The following TMEM114 variants were observed in gnomAD, a reference collection of about 807,000 sequenced individuals.
TMEM114 encodes transmembrane protein 114.
A neutral mutation model predicts 6.2 loss-of-function variants in TMEM114; 6 were observed. The ratio of observed to expected loss-of-function variants is 0.97; its 90% CI spans 0.53 to 1.91. The LOEUF is 1.91. Among genes scored for constraint, TMEM114 ranks in the 40% most tolerant of loss-of-function variants. TMEM114 has a pLI of 0.01. For synonymous variants in TMEM114, 104 were observed against 73.0 expected (o/e 1.42, Z -2.16); for missense variants, 218 against 158.3 (o/e 1.38, Z -2.02).
At position 8,590,010 on chromosome 16, in the gene TMEM114, G is replaced by C. The variant is rs1171720206; in HGVS notation, c.-172C>G. The C allele has an allele frequency of 2.6e-6, 1 of 382,286 alleles. No individual in the cohort carries two copies. The highest frequency in any genetic ancestry group is 4.6e-6 in the Non-Finnish European group (1 of 216,286). 23.7% of individuals were successfully genotyped at this position (382,286 alleles called of 1,614,324 possible). On this transcript the variant is annotated 5_prime_UTR_variant, in exon 1 of 4. Coordinates refer to ENST00000620492, the MANE Select transcript of TMEM114 (RefSeq NM_001146336.2). ...GACCCCGGGCCCTAGCTTAGACCCT[G>C]GCTCCTCACCTGCCGGCTCCGACCT...
chr16:8,548,967 G>C (rs1448730318), intron 2 of TMEM114, among the ~76,000 whole-genome samples: 1 of 151,974 alleles, frequency 6.6e-6, no homozygotes. Context: ...TGGATCACAA[G>C]GTCAGGAGAT....
At chr16:8,574,640 A>T (rs1310072063) in intron 2 of TMEM114, among the ~76,000 whole-genome samples, 2 of 146,490 alleles carry the variant, frequency 1.4e-5, no homozygotes. Context: ...GGGAAGTACC[A>T]CAGCTCATGC....
At chr16:8,566,727 T>C (rs549690029), downstream of TMEM114, among the ~76,000 whole-genome samples, 28 of 150,378 alleles carry the variant, frequency 1.9e-4, no homozygotes, top group South Asian at 5.9e-3. Flanking sequence ...CAGAAGCTTC[T>C]TCCCACCTCA....
the TMEM114 span, among the ~76,000 whole-genome samples, chr16:8,531,531 C>T: frequency 6.6e-5 from 10 of 152,202 alleles, no homozygotes; most frequent in Non-Finnish European, 1.2e-4. Context: ...TCTGCCACAG[C>T]AAGATAGCAG....
At chr16:8,566,169 G>A (rs894290237), downstream of TMEM114, among the ~76,000 whole-genome samples, 7 of 152,158 alleles carry the variant, frequency 4.6e-5, no homozygotes, top group Non-Finnish European at 1.0e-4. Flanking sequence ...AGGAGATCGA[G>A]ACCATCCTGG....
intron 2 of TMEM114, among the ~76,000 whole-genome samples, chr16:8,572,921 A>G (rs903584171): frequency 6.6e-6 from 1 of 152,218 alleles, no homozygotes; most frequent in Non-Finnish European, 1.5e-5. Context: ...TGTGGTCCTT[A>G]GCATGGCATT....
chr16:8,531,808 G>C, the TMEM114 span: 8 of 152,342 alleles, frequency 5.3e-5, no homozygotes, highest in Admixed American at 3.3e-4. Context: ...TGAATAGTCT[G>C]TGAAGCACTC....
At chr16:8,552,523 C>T (rs942543696) in intron 2 of TMEM114, among the ~76,000 whole-genome samples, 7 of 152,112 alleles carry the variant, frequency 4.6e-5, no homozygotes, top group African/African-American at 1.4e-4. Flanking sequence ...CACACACACA[C>T]ACACACAAAG....
intron 2 of TMEM114, among the ~76,000 whole-genome samples, chr16:8,559,850 G>C (rs1384948687): frequency 6.6e-6 from 1 of 152,208 alleles, no homozygotes; most frequent in Non-Finnish European, 1.5e-5. Context: ...CAAGGACTGA[G>C]ATCCCCATGG....
intron 2 of TMEM114, among the ~76,000 whole-genome samples, chr16:8,573,517 T>C (rs1420416098): frequency 6.6e-6 from 1 of 152,020 alleles, no homozygotes; most frequent in African/African-American, 2.4e-5. Context: ...TATACCTCTG[T>C]CACTATTTGA....
At chr16:8,530,229 A>ACT in the TMEM114 span, among the ~76,000 whole-genome samples, 1 of 152,020 alleles carries the variant, frequency 6.6e-6, no homozygotes, top group African/African-American at 2.4e-5. Flanking sequence ...ATGAAAACTC[A>ACT]CTCTCAGCAA....
downstream of TMEM114, among the ~76,000 whole-genome samples, chr16:8,568,724 T>G (rs528462352): frequency 6.6e-6 from 1 of 152,192 alleles, no homozygotes; most frequent in Non-Finnish European, 1.5e-5. Flanking sequence ...TCTCATGACT[T>G]GGAATCTTGC....
intron 2 of TMEM114, among the ~76,000 whole-genome samples, chr16:8,580,511 GA>G (rs1027964378): frequency 1.5e-4 from 21 of 143,790 alleles, no homozygotes; most frequent in Middle Eastern, 3.5e-3. Context: ...AAAAAAAAAA[GA>G]AAAAAAAAGG....
intron 2 of TMEM114, among the ~76,000 whole-genome samples, chr16:8,563,461 ATGAG>A (rs1191840624): frequency 1.3e-5 from 2 of 148,768 alleles, no homozygotes; most frequent in African/African-American, 2.5e-5. Flanking sequence ...GAGTGAGTGA[ATGAG>A]TAAGTGAATG....
rs1555461967 is a variant in TMEM114, at chr16:8,548,694, G to GTGTATATATATATATATA, written n.213-10869_213-10868insTATATATATATATATACA. 2.1e-4 allele frequency among the ~76,000 whole-genome samples: 29 copies of GTGTATATATATATATATA among 140,008 alleles called. 1 individual carries two copies. Among genetic ancestry groups the GTGTATATATATATATATA allele is most frequent in the Non-Finnish European group, 3.0e-4 (19 of 64,290 alleles). 91.9% of individuals were successfully genotyped at this position (140,008 alleles called of 152,430 possible). On this transcript the variant is annotated intron_variant and non_coding_transcript_variant, in intron 2 of 2. Coordinates refer to the TMEM114 transcript ENST00000623677. Reference sequence around the variant, plus strand: ...AGAGAAGTGAGCTAAAAATTGCCATGTATATATATACACAGAAAAAAAATA... The same window carrying GTGTATATATATATATATA: ...AGAGAAGTGAGCTAAAAATTGCCATGTGTATATATATATATATATATATATATACACAGAAAAAAAATA...
intron 2 of TMEM114, among the ~76,000 whole-genome samples, chr16:8,546,197 C>T (rs1900660124): frequency 6.6e-6 from 1 of 152,158 alleles, no homozygotes; most frequent in African/African-American, 2.4e-5. Context: ...TCCTGAAGAA[C>T]ACTTTTACAT....
At chr16:8,588,653 G>T (rs1902389116) in intron 2 of TMEM114, among the ~76,000 whole-genome samples, 1 of 152,178 alleles carries the variant, frequency 6.6e-6, no homozygotes, top group Non-Finnish European at 1.5e-5. Flanking sequence ...GGGACGCAGT[G>T]GACCTGAGAG....
chr16:8,589,998 A>G lies in TMEM114; in HGVS notation c.-160T>C. On this transcript the variant is annotated 5_prime_UTR_variant, in exon 1 of 4. Coordinates refer to ENST00000620492, the MANE Select transcript of TMEM114 (RefSeq NM_001146336.2). ...GCCTTTCCTTTGGACCCCGGGCCCT[A>G]GCTTAGACCCTGGCTCCTCACCTGC... The G allele has an allele frequency of 7.8e-6, 3 of 383,238 alleles. No individual in the cohort carries two copies. Among genetic ancestry groups the G allele is most frequent in the Non-Finnish European group, 1.4e-5 (3 of 216,742 alleles). The allele number at this position is 383,238 out of a possible 1,614,324, so 23.7% of individuals were successfully genotyped here. A position where few individuals can be genotyped will look rare whatever the true frequency, so the allele number is the denominator to read the frequency against.
chr16:8,528,536 T>C, the TMEM114 span, among the ~76,000 whole-genome samples: 4 of 152,160 alleles, frequency 2.6e-5, no homozygotes, highest in Admixed American at 2.6e-4. Context: ...GAGGGGAGCA[T>C]GCTTTCACCA....
Sources: allele counts gnomAD v4.1 joint callset (sites outside exome capture counted in the v4.1 genomes callset), GRCh38; gene constraint gnomAD v4.1.1; transcripts MANE v1.5; gene names NCBI Gene and HGNC (gene_info 2026-07-23, HGNC 2026-07-21).